Variants in KIRREL3 observed in about 807,000 individuals in gnomAD.
KIRREL3 encodes kin of IRRE-like protein 3.
Under a neutral mutation model 89.7 loss-of-function variants are expected in KIRREL3, and 36 were observed. The observed-to-expected ratio is 0.40, with a 90% confidence interval of 0.31 to 0.53. The LOEUF is 0.53. KIRREL3 is among the 20% of genes least tolerant of loss of function. The pLI, the probability that KIRREL3 is intolerant of heterozygous loss-of-function variation, is 0.49. For synonymous variants in KIRREL3, 445 were observed against 441.4 expected (o/e 1.01, Z -0.10); for missense variants, 864 against 1,056.6 (o/e 0.82, Z 2.53).
At position 126,557,198 on chromosome 11, in the gene KIRREL3, A is replaced by G. The variant is rs114342772; in HGVS notation, c.133+5637T>C. ...CTCTGCCCTGAGAAAAGCACAGCTCATCCCACAGGCCTGCCCGACTCTTTC... is the reference window on the plus strand; with the variant it reads ...CTCTGCCCTGAGAAAAGCACAGCTCGTCCCACAGGCCTGCCCGACTCTTTC... On this transcript the variant is annotated intron_variant, in intron 2 of 16. Transcript: ENST00000525144. This position sits in a 1 kb window ranked among gnomAD's most constrained non-coding sequence, Gnocchi z 5.6. 0.011 allele frequency among the ~76,000 whole-genome samples: 1,731 copies of G among 152,290 alleles called. 43 individuals are homozygous for G. The highest frequency in any genetic ancestry group is 0.039 in the African/African-American group (1,613 of 41,550).
chr11:126,591,994 G>A (rs1185620423), intron 1 of KIRREL3, among the ~76,000 whole-genome samples: 4 of 152,102 alleles, frequency 2.6e-5, no homozygotes, highest in Non-Finnish European at 5.9e-5. Flanking sequence ...ATCCTTCAGG[G>A]TGCAGTGCCA....
intron 2 of KIRREL3, among the ~76,000 whole-genome samples, chr11:126,540,500 C>T (rs183659777): frequency 7.2e-5 from 11 of 152,330 alleles, no homozygotes; most frequent in South Asian, 6.2e-4. Context: ...GAAGAGCAAT[C>T]GGGCTGGCCG....
chr11:126,841,427 T>C (rs73028478), intron 1 of KIRREL3, among the ~76,000 whole-genome samples: 5,384 of 152,338 alleles, frequency 0.035, 116 homozygotes, highest in African/African-American at 0.057. Flanking sequence ...ATGCCAGGCA[T>C]GTAGAAGGCG....
rs1949753963 is a variant in KIRREL3 at position 126,764,377 on chromosome 11, A to C, written c.56-201465T>G. Among the ~76,000 whole-genome samples, 1 of 152,162 alleles carries C rather than the reference A, an allele frequency of 6.6e-6. No homozygotes were observed. Among genetic ancestry groups the C allele is most frequent in the Non-Finnish European group, 1.5e-5 (1 of 68,024 alleles). ...AGCATTGGGCTGACACCTGCATCGA[A>C]TGGAAGCTACACATTTCTGTCCTAG... On this transcript the variant is annotated intron_variant, in intron 1 of 16. Coordinates refer to ENST00000525144, the MANE Select transcript of KIRREL3 (RefSeq NM_032531.4). The surrounding 1 kb of genome is among the most constrained non-coding windows in gnomAD (Gnocchi z 4.2).
Position 126,684,279 on chromosome 11 carries a change from T to C in KIRREL3, c.56-121367A>G, listed in dbSNP as rs544190069. ...GGGCTTGCTGGACCCATTTCTGCCC[T>C]TCTGAAAGCGGGAGTTAGACTAGAT... On this transcript the variant is annotated intron_variant, in intron 1 of 16. Coordinates refer to ENST00000525144, the MANE Select transcript of KIRREL3 (RefSeq NM_032531.4). The surrounding 1 kb of genome is among the most constrained non-coding windows in gnomAD (Gnocchi z 4.2). Among the ~76,000 whole-genome samples the C allele has an allele frequency of 3.9e-5, 6 of 152,356 alleles. No homozygotes were observed. Among genetic ancestry groups the C allele is most frequent in the African/African-American group, 1.4e-4 (6 of 41,588 alleles).
chr11:126,832,420 G>T (rs1029252511), intron 1 of KIRREL3, among the ~76,000 whole-genome samples: 1 of 152,136 alleles, frequency 6.6e-6, no homozygotes, highest in East Asian at 1.9e-4. Context: ...CCTGTTCCTA[G>T]AAGGAGACCC....
intron 1 of KIRREL3, among the ~76,000 whole-genome samples, chr11:126,597,845 A>G (rs1236177968): frequency 6.6e-6 from 1 of 152,240 alleles, no homozygotes; most frequent in Non-Finnish European, 1.5e-5. Context: ...TCCTGTCTTC[A>G]CTTTTCTACC....
rs1214404552 is a variant in KIRREL3, at chr11:126,912,492, A to G, written c.55+87963T>C. On this transcript the variant is annotated intron_variant, in intron 1 of 16. Transcript: ENST00000525144. This position sits in a 1 kb window ranked among gnomAD's most constrained non-coding sequence, Gnocchi z 4.7. ...TCCAGTCCTAAGCACCCCTCACAGT[A>G]GGCATCAACCAAGAACATATCACAC... 6.6e-6 allele frequency among the ~76,000 whole-genome samples: 1 copy of G among 152,190 alleles called. No individual in the cohort carries two copies. Among genetic ancestry groups the G allele is most frequent in the Non-Finnish European group, 1.5e-5 (1 of 68,030 alleles).
intron 1 of KIRREL3, among the ~76,000 whole-genome samples, chr11:126,957,611 G>T (rs1353653484): frequency 6.6e-6 from 1 of 152,174 alleles, no homozygotes; most frequent in African/African-American, 2.4e-5. Context: ...GACTATGGCA[G>T]TCTAGTGAGT....
At position 126,562,306 on chromosome 11, in the gene KIRREL3, C is replaced by A. The variant is rs1319703112; in HGVS notation, c.133+529G>T. Among the ~76,000 whole-genome samples the A allele has an allele frequency of 6.6e-6, 1 of 152,058 alleles. No individual in the cohort carries two copies. Among genetic ancestry groups the A allele is most frequent in the East Asian group, 1.9e-4 (1 of 5,166 alleles). On this transcript the variant is annotated intron_variant, in intron 2 of 16. Transcript: ENST00000525144. This position sits in a 1 kb window ranked among gnomAD's most constrained non-coding sequence, Gnocchi z 4.7. ...CAGTGCAAGAGGAAGACAGAATGGC[C>A]TCTGAGTAAGAGGGAGGGGTAGGGT... is the stretch of plus-strand genomic sequence containing the variant.
chr11:126,784,291 T>C (rs746790571), intron 1 of KIRREL3, among the ~76,000 whole-genome samples: 5 of 152,240 alleles, frequency 3.3e-5, no homozygotes, highest in Non-Finnish European at 7.3e-5. Flanking sequence ...TAATGCAAGA[T>C]GTTAACAATA....
rs1944646143 is a variant in KIRREL3 at position 126,761,843 on chromosome 11, C to G, written c.56-198931G>C. Among the ~76,000 whole-genome samples the G allele has an allele frequency of 6.6e-6, 1 of 152,152 alleles. No individual in the cohort carries two copies. On this transcript the variant is annotated intron_variant, in intron 1 of 16. Coordinates refer to ENST00000525144, the MANE Select transcript of KIRREL3 (RefSeq NM_032531.4). This position sits in a 1 kb window ranked among gnomAD's most constrained non-coding sequence, Gnocchi z 4.4. ...TCCCTAGGAAGCTGCTCCCCGCTTT[C>G]AATCTCATTTTCTGATATCTAGTTG...
In KIRREL3 at chr11:126,447,048, G is replaced by A. The variant is rs550604689; in HGVS notation, c.998-162C>T. On this transcript the variant is annotated intron_variant, in intron 8 of 16. Transcript: ENST00000525144. ...TCCATTTTAAGTCTTATGTCCGGGCGGGGTCTGGGATCTGGGAGTGGGACT... is the reference window on the plus strand; with the variant it reads ...TCCATTTTAAGTCTTATGTCCGGGCAGGGTCTGGGATCTGGGAGTGGGACT... Among the ~76,000 whole-genome samples, 354 of 152,330 alleles carry A rather than the reference G, an allele frequency of 2.3e-3. 2 individuals are homozygous for A. Among genetic ancestry groups the A allele is most frequent in the Non-Finnish European group, 4.3e-3 (295 of 68,030 alleles).
chr11:126,895,010 A>C lies in KIRREL3; in HGVS notation c.55+105445T>G, dbSNP rs556874090. Among the ~76,000 whole-genome samples, 170 of 152,212 alleles carry C rather than the reference A, an allele frequency of 1.1e-3. 5 individuals are homozygous for C. In the South Asian group the frequency reaches 0.033, roughly 30 times the overall value. On this transcript the variant is annotated intron_variant, in intron 1 of 16. Transcript: ENST00000525144. Reference sequence around the variant, plus strand: ...ATCCTCTCTGGGGATTTTCAAGGGGAGCACTCTGCAAGAGTCACAGGATTA... The same window carrying C: ...ATCCTCTCTGGGGATTTTCAAGGGGCGCACTCTGCAAGAGTCACAGGATTA...
In KIRREL3 at chr11:126,443,926, G is replaced by C. The variant is rs879592828; in HGVS notation, c.1252+1053C>G. 1.3e-5 allele frequency among the ~76,000 whole-genome samples: 2 copies of C among 152,158 alleles called. No individual in the cohort carries two copies. Among genetic ancestry groups the C allele is most frequent in the Non-Finnish European group, 2.9e-5 (2 of 68,014 alleles). On this transcript the variant is annotated intron_variant, in intron 10 of 16. Transcript: ENST00000525144. This position sits in a 1 kb window ranked among gnomAD's most constrained non-coding sequence, Gnocchi z 7.3. ...GGCAGTGGGCATGACAGAGGTGAGG[G>C]GGGAGCATTCGGAAACGGCAGAGGA...
intron 7 of KIRREL3, among the ~76,000 whole-genome samples, chr11:126,449,763 C>T (rs111483659): frequency 2.0e-5 from 3 of 152,180 alleles, no homozygotes; most frequent in Non-Finnish European, 4.4e-5. Flanking sequence ...CCCTGGCTGC[C>T]CCTCTCTTTC....
chr11:126,439,022 T>G (rs1178090745), intron 11 of KIRREL3, among the ~76,000 whole-genome samples: 1 of 152,228 alleles, frequency 6.6e-6, no homozygotes, highest in Admixed American at 6.5e-5. Context: ...CCCCGAGTAG[T>G]GCTATAAAAT....
chr11:126,763,297 G>A lies in KIRREL3; in HGVS notation c.56-200385C>T, dbSNP rs1270795683. Among the ~76,000 whole-genome samples, 2 of 152,216 alleles carry A rather than the reference G, an allele frequency of 1.3e-5. No individual in the cohort carries two copies. Among genetic ancestry groups the A allele is most frequent in the African/African-American group, 2.4e-5 (1 of 41,460 alleles). On this transcript the variant is annotated intron_variant, in intron 1 of 16. Coordinates refer to ENST00000525144, the MANE Select transcript of KIRREL3 (RefSeq NM_032531.4). The surrounding 1 kb of genome is among the most constrained non-coding windows in gnomAD (Gnocchi z 4.7). ...GTGACAATTCCATGACCAGCCTCAT[G>A]GCTGAGGTGCCACTTTCGATACATA... is the stretch of plus-strand genomic sequence containing the variant.
intron 4 of KIRREL3, among the ~76,000 whole-genome samples, chr11:126,503,946 C>T (rs1957943252): frequency 6.6e-6 from 1 of 152,068 alleles, no homozygotes; most frequent in Non-Finnish European, 1.5e-5. Flanking sequence ...GAAATAAATG[C>T]TTGTTGTTTA....
Sources: gnomAD v4.1 joint callset for allele counts (sites outside exome capture counted in the v4.1 genomes callset) on GRCh38, gnomAD v4.1.1 for gene constraint, Gnocchi (gnomAD v3.1) non-coding constraint, MANE v1.5 for transcripts, NCBI Gene and HGNC (gene_info 2026-07-23, HGNC 2026-07-21) for gene names.